The following LRP1B variants were observed in gnomAD, a reference collection of about 807,000 sequenced individuals.
LRP1B encodes the protein LDL receptor related protein 1B.
In LRP1B, 217 loss-of-function variants were observed where a neutral mutation model predicts 556.6. The observed-to-expected ratio is 0.39, with a 90% CI of 0.35 to 0.44. The LOEUF (loss-of-function observed/expected upper bound fraction) is 0.44. Among genes scored for constraint, LRP1B ranks in the 20% least tolerant of loss-of-function variants. The probability of loss-of-function intolerance (pLI) is 1.00; values close to 1 mark genes in which losing one functional copy is unlikely to be tolerated. For missense variants in LRP1B, 5,053 were observed against 5,620.8 expected, an observed-to-expected ratio of 0.90 and a Z score of 3.23; for synonymous variants, 2,047 against 1,865.8, an observed-to-expected ratio of 1.10 and a Z score of -2.50.
chr2:141,005,063 T>G (rs1055525209), intron 15 of LRP1B, among the ~76,000 whole-genome samples: 3 of 152,086 alleles, frequency 2.0e-5, no homozygotes, highest in Admixed American at 6.6e-5. Context: ...CTGCTTATAG[T>G]GAAGTTCTCT....
chr2:141,238,026 G>A (rs762676861), intron 5 of LRP1B, among the ~76,000 whole-genome samples: 4 of 152,092 alleles, frequency 2.6e-5, no homozygotes, highest in Non-Finnish European at 4.4e-5. Flanking sequence ...AAATAATGCA[G>A]TTATTTTAAT....
intron 7 of LRP1B, among the ~76,000 whole-genome samples, chr2:141,105,794 A>G (rs1014125010): frequency 6.6e-6 from 1 of 152,166 alleles, no homozygotes; most frequent in Non-Finnish European, 1.5e-5. Flanking sequence ...TTGGAATTAA[A>G]GTGATTTTCA....
rs76538135 is a variant in LRP1B, at chr2:140,974,092, T to C, written c.2887+8068A>G. ...GTCTTTAGTTATCTCAAGAGCCAGA[T>C]TGTGGACAAAGTTATTGATTCCATG... is the stretch of plus-strand genomic sequence containing the variant. On this transcript the variant is annotated intron_variant, in intron 18 of 90. Transcript: ENST00000389484. 8.5e-3 allele frequency among the ~76,000 whole-genome samples: 1,299 copies of C among 152,242 alleles called. 44 individuals carry two copies. Among genetic ancestry groups the C allele is most frequent in the Admixed American group, 0.067 (1,022 of 15,290 alleles).
At chr2:141,867,722 T>C (rs1407600504) in intron 1 of LRP1B, among the ~76,000 whole-genome samples, 1 of 152,144 alleles carries the variant, frequency 6.6e-6, no homozygotes, top group Non-Finnish European at 1.5e-5. Context: ...TAAGACTTTT[T>C]CCAGTAACAA....
chr2:140,672,180 A>C (rs1252783380), intron 41 of LRP1B, among the ~76,000 whole-genome samples: 1 of 152,164 alleles, frequency 6.6e-6, no homozygotes, highest in Admixed American at 6.5e-5. Context: ...AAAATGGAGA[A>C]AATGGAAGGA....
chr2:140,796,354 C>T (rs995764019), intron 32 of LRP1B, among the ~76,000 whole-genome samples: 1 of 151,942 alleles, frequency 6.6e-6, no homozygotes, highest in African/African-American at 2.4e-5. Context: ...TTGTATTTAT[C>T]CATTGTGCTA....
At chr2:140,938,008 G>A (rs550934689) in intron 20 of LRP1B, among the ~76,000 whole-genome samples, 1 of 151,576 alleles carries the variant, frequency 6.6e-6, no homozygotes, top group African/African-American at 2.4e-5. Context: ...CCCGAGAAAT[G>A]TCCTTATGGT....
Position 140,839,975 on chromosome 2 carries a change from TAA to T in LRP1B, c.5209+14_5209+15del. 6.4e-7 allele frequency: 1 copy of T among 1,551,330 alleles called. No homozygotes were observed. ...GTCACATTGAAAACTTGGTGACTATTAAAAAAAATACTTACCAACTGGCTCCT... is the reference window on the plus strand; with the variant it reads ...GTCACATTGAAAACTTGGTGACTATTAAAAAATACTTACCAACTGGCTCCT... On this transcript the variant is annotated intron_variant, in intron 31 of 90. Coordinates refer to ENST00000389484, the MANE Select transcript of LRP1B (RefSeq NM_018557.3).
intron 2 of LRP1B, among the ~76,000 whole-genome samples, chr2:141,551,072 CTAGAA>C (rs1263193074): frequency 6.6e-6 from 1 of 151,840 alleles, no homozygotes; most frequent in Non-Finnish European, 1.5e-5. Flanking sequence ...AGCTTCTGTG[CTAGAA>C]ATAGGAAATA....
rs553763732 is a variant in LRP1B, at chr2:141,231,932, T to C, written c.593-2492A>G. Among the ~76,000 whole-genome samples, 47 of 152,294 alleles carry C rather than the reference T, an allele frequency of 3.1e-4. 1 individual carries two copies. Among genetic ancestry groups the C allele is most frequent in the African/African-American group, 1.1e-3 (45 of 41,570 alleles). ...CTTCCCAATGGAGAAAATAGTCTTA[T>C]CCAGGACTGCCTGAGTATAAACCCA... is the stretch of plus-strand genomic sequence containing the variant. On this transcript the variant is annotated intron_variant, in intron 5 of 90. Transcript: ENST00000389484.
intron 7 of LRP1B, among the ~76,000 whole-genome samples, chr2:141,150,005 A>G (rs538650832): frequency 1.3e-5 from 2 of 152,308 alleles, no homozygotes; most frequent in South Asian, 4.1e-4. Flanking sequence ...AGATGCTTGC[A>G]AAGAATAGAA....
intron 2 of LRP1B, among the ~76,000 whole-genome samples, chr2:141,690,974 GTAATT>G (rs1485515688): frequency 6.6e-6 from 1 of 151,784 alleles, no homozygotes; most frequent in South Asian, 2.1e-4. Context: ...AAGAGCAAAT[GTAATT>G]TAATTTAATT....
intron 2 of LRP1B, among the ~76,000 whole-genome samples, chr2:141,525,032 C>T (rs1440559276): frequency 2.0e-5 from 3 of 152,014 alleles, no homozygotes; most frequent in East Asian, 3.9e-4. Flanking sequence ...TCATTAATAT[C>T]GACTCTTGTT....
At chr2:141,345,989 A>G (rs915840516) in intron 3 of LRP1B, among the ~76,000 whole-genome samples, 5 of 151,772 alleles carry the variant, frequency 3.3e-5, no homozygotes, top group Admixed American at 3.3e-4. Flanking sequence ...GATAGTTTTC[A>G]TTTCCAAGGG....
intron 46 of LRP1B, among the ~76,000 whole-genome samples, chr2:140,535,364 G>A (rs894196605): frequency 2.6e-5 from 4 of 152,054 alleles, no homozygotes; most frequent in Non-Finnish European, 2.9e-5. Context: ...TCATTAAAGC[G>A]AATATGTTGA....
chr2:141,549,952 G>A (rs920371768), intron 2 of LRP1B, among the ~76,000 whole-genome samples: 5 of 152,198 alleles, frequency 3.3e-5, no homozygotes, highest in Admixed American at 6.5e-5. Context: ...CCAAGGTTGC[G>A]CCACTGCGCT....
chr2:141,988,150 A>G (rs1350897034), intron 1 of LRP1B, among the ~76,000 whole-genome samples: 2 of 151,878 alleles, frequency 1.3e-5, no homozygotes, highest in Non-Finnish European at 1.5e-5. Flanking sequence ...GGTATCAGGC[A>G]TGATATATAA....
At chr2:140,660,167 A>C (rs569494910) in intron 41 of LRP1B, among the ~76,000 whole-genome samples, 1 of 152,118 alleles carries the variant, frequency 6.6e-6, no homozygotes, top group South Asian at 2.1e-4. Context: ...GCTCTGCAAA[A>C]GTGTTTTTTT....
At chr2:141,216,824 G>A (rs1682835465) in intron 6 of LRP1B, among the ~76,000 whole-genome samples, 1 of 152,118 alleles carries the variant, frequency 6.6e-6, no homozygotes, top group Non-Finnish European at 1.5e-5. Context: ...TTACAGAATG[G>A]GAATGTTTAC....
Sources: gnomAD v4.1 joint callset for allele counts (sites outside exome capture counted in the v4.1 genomes callset) on GRCh38, gnomAD v4.1.1 for gene constraint, MANE v1.5 for transcripts, NCBI Gene and HGNC (gene_info 2026-07-23, HGNC 2026-07-21) for gene names.